SH3RF3: variants seen among roughly 807,000 people sequenced by gnomAD.
The protein encoded by SH3RF3 is SH3 domain containing ring finger 3, also known as E3 ubiquitin-protein ligase SH3RF3.
SH3RF3 carries 29 observed loss-of-function variants against 66.3 expected under a neutral mutation model. The observed-to-expected ratio is 0.44, with a 90% CI of 0.33 to 0.60. The LOEUF (loss-of-function observed/expected upper bound fraction) is 0.60. SH3RF3 is among the 20% of genes least tolerant of loss of function. The pLI, the probability that SH3RF3 is intolerant of heterozygous loss-of-function variation, is 0.04. For synonymous variants in SH3RF3, 583 were observed against 532.0 expected (o/e 1.10, Z -1.32); for missense variants, 1,194 against 1,190.9 (o/e 1.00, Z -0.04).
intron 3 of SH3RF3, among the ~76,000 whole-genome samples, chr2:109,388,717 C>A (rs918550921): frequency 2.6e-5 from 4 of 152,192 alleles, no homozygotes; most frequent in African/African-American, 9.7e-5. Context: ...AAATGAGACC[C>A]CTGCAAGAGG....
intron 1 of SH3RF3, among the ~76,000 whole-genome samples, chr2:109,320,114 T>C (rs1681985729): frequency 6.6e-6 from 1 of 152,198 alleles, no homozygotes; most frequent in Non-Finnish European, 1.5e-5. Flanking sequence ...CAAGTCCTAC[T>C]AGTGCTCCTG....
intron 1 of SH3RF3, among the ~76,000 whole-genome samples, chr2:109,189,959 T>C (rs1299385985): frequency 6.6e-6 from 1 of 152,216 alleles, no homozygotes; most frequent in Non-Finnish European, 1.5e-5. Flanking sequence ...CTGTGTGGAA[T>C]GTTCCCCTGG....
chr2:109,213,778 CTGTGGTGTGGTGTGATAGGGTGTGG>C (rs1231298405), intron 1 of SH3RF3, among the ~76,000 whole-genome samples: 3 of 152,102 alleles, frequency 2.0e-5, no homozygotes, highest in African/African-American at 7.2e-5. Flanking sequence ...CGTGGTCTCA[CTGTGGTGTGGTGTGATAGGGTGTGG>C]TGTGGTGTGG....
intron 2 of SH3RF3, among the ~76,000 whole-genome samples, chr2:109,360,401 G>A (rs749066001): frequency 1.6e-4 from 24 of 152,086 alleles, no homozygotes; most frequent in Non-Finnish European, 2.5e-4. Flanking sequence ...TTGTAGGCTC[G>A]ATGTACACAA....
At chr2:109,190,426 G>C (rs1003729732) in intron 1 of SH3RF3, among the ~76,000 whole-genome samples, 1 of 152,146 alleles carries the variant, frequency 6.6e-6, no homozygotes, top group Non-Finnish European at 1.5e-5. Context: ...CACCCGCCTC[G>C]GCCACCCAAA....
At chr2:109,319,044 G>A (rs932573025) in intron 1 of SH3RF3, among the ~76,000 whole-genome samples, 1 of 152,166 alleles carries the variant, frequency 6.6e-6, no homozygotes, top group African/African-American at 2.4e-5. Flanking sequence ...GCTCTCCATC[G>A]ATCCTGGTGT....
chr2:109,204,392 C>T (rs1678757904), intron 1 of SH3RF3, among the ~76,000 whole-genome samples: 1 of 152,228 alleles, frequency 6.6e-6, no homozygotes, highest in Non-Finnish European at 1.5e-5. Context: ...TTATCAATAC[C>T]AGTTCACATT....
intron 1 of SH3RF3, among the ~76,000 whole-genome samples, chr2:109,272,665 C>T (rs1469296187): frequency 6.6e-6 from 1 of 152,234 alleles, no homozygotes; most frequent in Non-Finnish European, 1.5e-5. Context: ...TCCTCCACAC[C>T]AGCGCTGAGT....
chr2:109,188,796 A>G (rs1678264133), intron 1 of SH3RF3, among the ~76,000 whole-genome samples: 1 of 152,182 alleles, frequency 6.6e-6, no homozygotes, highest in South Asian at 2.1e-4. Flanking sequence ...ATTTATTGAC[A>G]TCCATGAACA....
At chr2:109,445,345 T>C (rs559378729) in intron 7 of SH3RF3, among the ~76,000 whole-genome samples, 3 of 152,054 alleles carry the variant, frequency 2.0e-5, no homozygotes, top group Non-Finnish European at 4.4e-5. Flanking sequence ...GAGTGCTGAG[T>C]AGGAAAAATA....
intron 8 of SH3RF3, among the ~76,000 whole-genome samples, chr2:109,473,469 T>G (rs7370645): frequency 1 from 152,263 of 152,310 alleles, 76,109 homozygotes; most frequent in African/African-American, 1. Flanking sequence ...CTGTGGGGGA[T>G]GTAAAATAGC....
chr2:109,465,054 A>G (rs563448997), intron 8 of SH3RF3, among the ~76,000 whole-genome samples: 1 of 152,326 alleles, frequency 6.6e-6, no homozygotes, highest in South Asian at 2.1e-4. Context: ...TTGTTATACA[A>G]TTGGAATCAT....
Position 109,170,302 on chromosome 2 carries a change from C to A in SH3RF3, c.573+40189C>A, listed in dbSNP as rs535036293. 9.9e-4 allele frequency among the ~76,000 whole-genome samples: 125 copies of A among 126,390 alleles called. 1 individual carries two copies. The highest frequency in any genetic ancestry group is 3.2e-3 in the African/African-American group (105 of 32,652). The allele number at this position is 126,390 out of a possible 152,430, so 82.9% of individuals were successfully genotyped here. The stretch of plus-strand genomic sequence containing the variant: ...CTCTTCTCTTCTCTTCTCTTCTCTT[C>A]TCTTCTCTTCTCTCCTCTCTCTCTC... On this transcript the variant is annotated intron_variant, in intron 1 of 9. Coordinates refer to ENST00000309415, the MANE Select transcript of SH3RF3 (RefSeq NM_001099289.3).
In SH3RF3 at chr2:109,490,505, A is replaced by C. The variant is rs373270180; in HGVS notation, c.2149-100A>C. Reference sequence around the variant, plus strand: ...TTGTCTGAAAAAATAAGAAATTTAAAAATAAAGTTCCACATAGGAAGATGC... The same window carrying C: ...TTGTCTGAAAAAATAAGAAATTTAACAATAAAGTTCCACATAGGAAGATGC... On this transcript the variant is annotated intron_variant, in intron 8 of 9. Transcript: ENST00000309415. 6.9e-5 allele frequency: 70 copies of C among 1,012,348 alleles called. No homozygotes were observed. The African/African-American group carries it at 1.1e-3, about 16-fold the overall frequency. The allele number at this position is 1,012,348 out of a possible 1,614,324, so 62.7% of individuals were successfully genotyped here.
intron 1 of SH3RF3, among the ~76,000 whole-genome samples, chr2:109,265,737 T>A (rs542709904): frequency 3.0e-4 from 46 of 152,344 alleles, no homozygotes; most frequent in African/African-American, 9.6e-4. Flanking sequence ...GCAGGGTTTT[T>A]ATCAATAAAA....
chr2:109,223,493 C>G (rs1040882632), intron 1 of SH3RF3, among the ~76,000 whole-genome samples: 1 of 152,196 alleles, frequency 6.6e-6, no homozygotes, highest in Non-Finnish European at 1.5e-5. Flanking sequence ...CATGTCAGTC[C>G]TAGGTCAGTG....
intron 1 of SH3RF3, among the ~76,000 whole-genome samples, chr2:109,326,837 C>T (rs1682172214): frequency 1.3e-5 from 2 of 152,144 alleles, no homozygotes; most frequent in African/African-American, 2.4e-5. Context: ...GGAGAGTATC[C>T]GTAGGTGCGC....
intron 1 of SH3RF3, among the ~76,000 whole-genome samples, chr2:109,217,373 A>T (rs1377289167): frequency 1.3e-5 from 2 of 152,250 alleles, no homozygotes; most frequent in African/African-American, 4.8e-5. Flanking sequence ...GAATGAGGCT[A>T]CAGGTCAAAT....
At chr2:109,404,414 G>C (rs1676394084) in intron 4 of SH3RF3, among the ~76,000 whole-genome samples, 1 of 152,216 alleles carries the variant, frequency 6.6e-6, no homozygotes, top group South Asian at 2.1e-4. Context: ...TAGCCATGTG[G>C]GAAATGCTAC....
Sources: allele counts gnomAD v4.1 joint callset (sites outside exome capture counted in the v4.1 genomes callset), GRCh38; gene constraint gnomAD v4.1.1; transcripts MANE v1.5; gene names NCBI Gene and HGNC (gene_info 2026-07-23, HGNC 2026-07-21).